STAU2: variants seen among roughly 807,000 people sequenced by gnomAD.
STAU2 encodes the protein double-stranded RNA-binding protein Staufen homolog 2.
Under a neutral mutation model 65.9 loss-of-function variants are expected in STAU2, and 20 were observed. That is an observed-to-expected ratio of 0.30 (90% CI 0.21 to 0.44). STAU2 has a LOEUF of 0.44. STAU2 is among the 20% of genes least tolerant of loss of function. The probability of loss-of-function intolerance (pLI) is 1.00; values close to 1 mark genes in which losing one functional copy is unlikely to be tolerated. For missense variants in STAU2, 558 were observed against 683.9 expected, an observed-to-expected ratio of 0.82 and a Z score of 2.05; for synonymous variants, 232 against 233.9, an observed-to-expected ratio of 0.99 and a Z score of 0.07.
intron 13 of STAU2, among the ~76,000 whole-genome samples, chr8:73,447,344 A>G (rs1254085395): frequency 6.6e-6 from 1 of 152,200 alleles, no homozygotes; most frequent in Admixed American, 6.5e-5. Context: ...CCACATAATA[A>G]TAATACATCT....
chr8:73,655,275 T>C (rs1459326110), intron 6 of STAU2, among the ~76,000 whole-genome samples: 1 of 152,224 alleles, frequency 6.6e-6, no homozygotes, highest in Non-Finnish European at 1.5e-5. Context: ...ATTTACATTT[T>C]AAAATAAAAT....
chr8:73,682,459 G>C (rs1818500292), intron 5 of STAU2, among the ~76,000 whole-genome samples: 1 of 151,610 alleles, frequency 6.6e-6, no homozygotes, highest in African/African-American at 2.4e-5. Flanking sequence ...AAAACCTCTG[G>C]GATACAGAAA....
At chr8:73,490,249 C>T (rs1470748173) in intron 13 of STAU2, among the ~76,000 whole-genome samples, 1 of 152,048 alleles carries the variant, frequency 6.6e-6, no homozygotes, top group Non-Finnish European at 1.5e-5. Flanking sequence ...TGTAACCTCA[C>T]TGCGGTGCCA....
At chr8:73,546,311 T>C (rs1026328190) in intron 13 of STAU2, among the ~76,000 whole-genome samples, 1 of 151,948 alleles carries the variant, frequency 6.6e-6, no homozygotes, top group African/African-American at 2.4e-5. Context: ...GTATATATAG[T>C]TGAGGGCAGA....
chr8:73,426,878 AT>A (rs1226435661), intron 13 of STAU2, among the ~76,000 whole-genome samples: 2 of 151,684 alleles, frequency 1.3e-5, no homozygotes, highest in Non-Finnish European at 2.9e-5. Context: ...CTTATGATAA[AT>A]TCCTAAAATT....
intron 11 of STAU2, among the ~76,000 whole-genome samples, chr8:73,591,881 G>GT (rs1563443861): frequency 5.6e-5 from 2 of 35,586 alleles, no homozygotes; most frequent in Non-Finnish European, 8.9e-5. Context: ...TATCCCAGAG[G>GT]TAAAAAAAAA....
At chr8:73,672,920 T>C (rs1817789056) in intron 6 of STAU2, 187 bp downstream of exon 6, 1 of 448,520 alleles carries the variant, frequency 2.2e-6, no homozygotes, top group East Asian at 4.0e-5. Context: ...AAAAAACTAG[T>C]TCCTGAAAAC....
chr8:73,670,887 C>T (rs1409362793), intron 6 of STAU2, among the ~76,000 whole-genome samples: 1 of 152,016 alleles, frequency 6.6e-6, no homozygotes, highest in Non-Finnish European at 1.5e-5. Flanking sequence ...GATAAGACCA[C>T]ATAAAATTTT....
chr8:73,692,549 T>A (rs2130549752), intron 4 of STAU2, among the ~76,000 whole-genome samples: 1 of 152,302 alleles, frequency 6.6e-6, no homozygotes, highest in African/African-American at 2.4e-5. Flanking sequence ...ATATCCTTTA[T>A]AATAAACTAG....
intron 6 of STAU2, among the ~76,000 whole-genome samples, chr8:73,663,411 C>A (rs562887437): frequency 7.3e-4 from 111 of 152,274 alleles, no homozygotes; most frequent in African/African-American, 2.6e-3. Flanking sequence ...AGTTTGCCAA[C>A]TGCTGTTTTA....
chr8:73,482,871 T>C (rs1012008848), intron 13 of STAU2, among the ~76,000 whole-genome samples: 12 of 151,956 alleles, frequency 7.9e-5, no homozygotes, highest in African/African-American at 2.9e-4. Context: ...ACACCAAGGT[T>C]CAGGTGTTAA....
intron 13 of STAU2, among the ~76,000 whole-genome samples, chr8:73,505,448 G>A (rs1183354069): frequency 2.6e-5 from 4 of 151,998 alleles, no homozygotes; most frequent in Admixed American, 1.3e-4. Flanking sequence ...AAGTAAAAGA[G>A]GTTGGACGGA....
chr8:73,614,562 T>C (rs1368330629), intron 8 of STAU2, among the ~76,000 whole-genome samples: 2 of 152,146 alleles, frequency 1.3e-5, no homozygotes, highest in Non-Finnish European at 2.9e-5. Flanking sequence ...GAGTAATGAG[T>C]TATGGACCTG....
At chr8:73,648,046 G>T (rs1815523182) in intron 6 of STAU2, among the ~76,000 whole-genome samples, 1 of 152,104 alleles carries the variant, frequency 6.6e-6, no homozygotes, top group South Asian at 2.1e-4. Context: ...CAGAGTACAT[G>T]GGCTTCTGTG....
At chr8:73,446,020 T>C (rs1218404377) in intron 13 of STAU2, among the ~76,000 whole-genome samples, 3 of 152,200 alleles carry the variant, frequency 2.0e-5, no homozygotes, top group Admixed American at 2.0e-4. Flanking sequence ...TAAAAAAACC[T>C]GTACACAAAA....
intron 9 of STAU2, among the ~76,000 whole-genome samples, chr8:73,610,447 A>T (rs1441563177): frequency 6.6e-6 from 1 of 151,160 alleles, no homozygotes; most frequent in Non-Finnish European, 1.5e-5. Flanking sequence ...GACATGGGAG[A>T]ATCGTTTGAA....
At chr8:73,534,604 A>G (rs184616622) in intron 13 of STAU2, among the ~76,000 whole-genome samples, 18 of 152,362 alleles carry the variant, frequency 1.2e-4, no homozygotes, top group Admixed American at 7.2e-4. Flanking sequence ...AGCATTAATA[A>G]TAACTATCAG....
chr8:73,429,995 C>T (rs989728898), intron 13 of STAU2, among the ~76,000 whole-genome samples: 9 of 152,184 alleles, frequency 5.9e-5, no homozygotes, highest in Admixed American at 2.6e-4. Flanking sequence ...TCAGCACTTC[C>T]GTAACACTTG....
chr8:73,572,048 TA>T (rs770720532), intron 12 of STAU2, among the ~76,000 whole-genome samples: 10 of 151,898 alleles, frequency 6.6e-5, no homozygotes, highest in Non-Finnish European at 1.0e-4. Flanking sequence ...ATAGACGCAA[TA>T]AAAAATGATA....
Sources: allele counts gnomAD v4.1 joint callset (sites outside exome capture counted in the v4.1 genomes callset), GRCh38; gene constraint gnomAD v4.1.1; transcripts MANE v1.5; gene names NCBI Gene and HGNC (gene_info 2026-07-23, HGNC 2026-07-21).